Variants in SEMA3E observed in about 807,000 individuals in gnomAD.
SEMA3E encodes the protein semaphorin 3E.
A neutral mutation model predicts 93.6 loss-of-function variants in SEMA3E; 49 were observed. That is an observed-to-expected ratio of 0.52 (90% CI 0.42 to 0.66). The LOEUF is 0.66. Among genes scored for constraint, SEMA3E ranks in the 30% least tolerant of loss-of-function variants. SEMA3E has a pLI of 0.00. For missense variants in SEMA3E, 906 were observed against 964.8 expected, an observed-to-expected ratio of 0.94 and a Z score of 0.81; for synonymous variants, 363 against 330.7, an observed-to-expected ratio of 1.10 and a Z score of -1.06.
intron 1 of SEMA3E, among the ~76,000 whole-genome samples, chr7:83,566,553 T>C (rs1792161754): frequency 6.6e-6 from 1 of 152,196 alleles, no homozygotes; most frequent in African/African-American, 2.4e-5. Context: ...GAAATACTTG[T>C]TTACTTTCAG....
intron 1 of SEMA3E, among the ~76,000 whole-genome samples, chr7:83,578,667 AT>A: frequency 6.6e-6 from 1 of 152,304 alleles, no homozygotes; most frequent in African/African-American, 2.4e-5. Context: ...AAAACTGGTT[AT>A]AAAAAAAAGA....
intron 1 of SEMA3E, among the ~76,000 whole-genome samples, chr7:83,614,299 G>A (rs1793322837): frequency 2.0e-5 from 3 of 152,076 alleles, no homozygotes; most frequent in South Asian, 4.1e-4. Context: ...CAGCACTATG[G>A]ACAGCCAGCC....
chr7:83,479,698 A>G (rs1790102847), intron 2 of SEMA3E, among the ~76,000 whole-genome samples: 1 of 152,224 alleles, frequency 6.6e-6, no homozygotes, highest in Non-Finnish European at 1.5e-5. Flanking sequence ...GAACTGAGAA[A>G]CAGAGCTGTG....
intron 1 of SEMA3E, among the ~76,000 whole-genome samples, chr7:83,609,126 A>C (rs1261692211): frequency 2.6e-5 from 4 of 152,080 alleles, no homozygotes. Context: ...ATAATGTTTT[A>C]ACCTCTACTG....
At chr7:83,533,296 C>A (rs911816582) in intron 1 of SEMA3E, among the ~76,000 whole-genome samples, 2 of 152,122 alleles carry the variant, frequency 1.3e-5, no homozygotes, top group African/African-American at 2.4e-5. Flanking sequence ...AATCCCAACA[C>A]TTTGGGAGGC....
chr7:83,473,218 C>T (rs547073224), intron 2 of SEMA3E, among the ~76,000 whole-genome samples: 3 of 152,278 alleles, frequency 2.0e-5, no homozygotes, highest in Middle Eastern at 3.4e-3. Flanking sequence ...ATATCATTAA[C>T]ATTTTTACAA....
chr7:83,388,349 A>C (rs910176395), intron 14 of SEMA3E, among the ~76,000 whole-genome samples: 1 of 144,662 alleles, frequency 6.9e-6, no homozygotes, highest in African/African-American at 2.5e-5. Context: ...ATATCTTTAA[A>C]TATATAATAT....
rs59059670 is a variant in SEMA3E at position 83,467,057 on chromosome 7, CTTTT to C, written c.337-460_337-457del. Reference sequence around the variant, plus strand: ...AGTTATTCATATGGAAATATGCAGTCTTTTTTTTTTTTTTTTTTTTTTCCCAAGA... The same window carrying C: ...AGTTATTCATATGGAAATATGCAGTCTTTTTTTTTTTTTTTTTTCCCAAGA... On this transcript the variant is annotated intron_variant, in intron 3 of 16. Coordinates refer to ENST00000643230, the MANE Select transcript of SEMA3E (RefSeq NM_012431.3). 6.2e-3 allele frequency among the ~76,000 whole-genome samples: 723 copies of C among 117,148 alleles called. 7 individuals are homozygous for C. Among genetic ancestry groups the C allele is most frequent in the African/African-American group, 0.023 (671 of 28,992 alleles). 76.9% of individuals were successfully genotyped at this position (117,148 alleles called of 152,430 possible).
intron 14 of SEMA3E, among the ~76,000 whole-genome samples, chr7:83,390,304 TGGA>T (rs1345422964): frequency 2.7e-5 from 4 of 150,394 alleles, no homozygotes; most frequent in African/African-American, 4.9e-5. Context: ...TATATATATA[TGGA>T]GAAGTTTCAG....
chr7:83,469,974 G>A (rs1023330887), intron 2 of SEMA3E, among the ~76,000 whole-genome samples: 4 of 151,886 alleles, frequency 2.6e-5, no homozygotes, highest in African/African-American at 4.8e-5. Flanking sequence ...TTTTAGTAGA[G>A]ACAGGGTTTC....
At chr7:83,513,579 T>C (rs1234466457) in intron 1 of SEMA3E, among the ~76,000 whole-genome samples, 3 of 152,156 alleles carry the variant, frequency 2.0e-5, no homozygotes, top group Non-Finnish European at 4.4e-5. Context: ...GGAGACTATA[T>C]TTAGGTTATC....
chr7:83,522,527 C>T (rs867041191), intron 1 of SEMA3E, among the ~76,000 whole-genome samples: 1 of 151,940 alleles, frequency 6.6e-6, no homozygotes, highest in Non-Finnish European at 1.5e-5. Flanking sequence ...GAGATTGCAT[C>T]CTTATTTGTC....
intron 1 of SEMA3E, among the ~76,000 whole-genome samples, chr7:83,529,625 C>T (rs1168939999): frequency 6.6e-6 from 1 of 152,008 alleles, no homozygotes; most frequent in Non-Finnish European, 1.5e-5. Context: ...CTAGTCTATC[C>T]AGGATATACT....
At chr7:83,485,984 A>G (rs1163710897) in intron 2 of SEMA3E, among the ~76,000 whole-genome samples, 1 of 152,184 alleles carries the variant, frequency 6.6e-6, no homozygotes, top group Non-Finnish European at 1.5e-5. Context: ...CTACATTTTC[A>G]AGGTGTTTGA....
chr7:83,500,234 A>G (rs998825834), intron 1 of SEMA3E, among the ~76,000 whole-genome samples: 11 of 152,236 alleles, frequency 7.2e-5, no homozygotes, highest in Admixed American at 4.6e-4. Flanking sequence ...TCAGGAGTTC[A>G]AGACCAGTCT....
Position 83,490,173 on chromosome 7 carries a change from C to G in SEMA3E, c.217G>C (p.Gly73Arg). The change falls in exon 2 of 17, where the codon GGA becomes CGA. Residue 73 changes from glycine to arginine, a missense_variant. Transcript: ENST00000643230. ...LDEYQERLFVGGRDLVYSLSL... is the reference protein window; with the variant it reads ...LDEYQERLFVRGRDLVYSLSL... ...AGGGAATATACAAGGTCCCTGCCTC[C>G]CACGAAGAGCCTCTCTTGATATTCA... The G allele has an allele frequency of 6.2e-7, 1 of 1,613,034 alleles. No individual in the cohort carries two copies. Among genetic ancestry groups the G allele is most frequent in the Non-Finnish European group, 8.5e-7 (1 of 1,179,420 alleles).
chr7:83,643,349 GT>G (rs1794038713), intron 1 of SEMA3E, among the ~76,000 whole-genome samples: 1 of 151,998 alleles, frequency 6.6e-6, no homozygotes, highest in Admixed American at 6.6e-5. Flanking sequence ...TATATATTAT[GT>G]ATAGAATACT....
intron 4 of SEMA3E, among the ~76,000 whole-genome samples, chr7:83,453,940 ATATTTT>A (rs58171861): frequency 0.66 from 99,520 of 150,788 alleles, 34,949 homozygotes; most frequent in East Asian, 1. Flanking sequence ...GTTATCTTTA[ATATTTT>A]TATTTTTACC....
intron 1 of SEMA3E, among the ~76,000 whole-genome samples, chr7:83,600,842 G>C (rs1056388770): frequency 7.9e-5 from 12 of 152,276 alleles, no homozygotes; most frequent in African/African-American, 2.9e-4. Flanking sequence ...ACTTAGACTA[G>C]ACTCTAGAGA....
Sources: gnomAD v4.1 joint callset for allele counts (sites outside exome capture counted in the v4.1 genomes callset) on GRCh38, gnomAD v4.1.1 for gene constraint, MANE v1.5 for transcripts, NCBI Gene and HGNC (gene_info 2026-07-23, HGNC 2026-07-21) for gene names.